The following ILRUN variants were observed in gnomAD, a reference collection of about 807,000 sequenced individuals.
ILRUN encodes protein ILRUN.
A neutral mutation model predicts 33.8 loss-of-function variants in ILRUN; 3 were observed. The ratio of observed to expected loss-of-function variants is 0.09; its 90% CI spans 0.04 to 0.23. ILRUN has a LOEUF of 0.23. Among genes scored for constraint, ILRUN ranks in the 10% least tolerant of loss-of-function variants. ILRUN has a pLI of 1.00. For missense variants in ILRUN, 210 were observed against 375.1 expected (o/e 0.56, Z 3.64); for synonymous variants, 124 against 138.9 (o/e 0.89, Z 0.75).
At chr6:34,626,719 T>C (rs1027803666) in intron 3 of ILRUN, among the ~76,000 whole-genome samples, 4 of 152,036 alleles carry the variant, frequency 2.6e-5, no homozygotes, top group African/African-American at 9.7e-5. Context: ...ATTATATTAA[T>C]ATATCAGGCG....
At chr6:34,599,052 C>G (rs918234007) in intron 4 of ILRUN, among the ~76,000 whole-genome samples, 1 of 152,214 alleles carries the variant, frequency 6.6e-6, no homozygotes. Context: ...CGACCTGACA[C>G]TAAGTGCATA....
chr6:34,696,758 AACTC>A lies in ILRUN; in HGVS notation c.-159_-156del, dbSNP rs1160037754. The A allele has an allele frequency of 5.1e-6, 3 of 590,158 alleles. No individual in the cohort carries two copies. The highest frequency in any genetic ancestry group is 5.7e-6 in the Non-Finnish European group (2 of 352,198). The allele number at this position is 590,158 out of a possible 1,614,324, so 36.6% of individuals were successfully genotyped here. A position where few individuals can be genotyped will look rare whatever the true frequency, so the allele number is the denominator to read the frequency against. ...GGCCTCTCACAGTCTCATAGGGGTAAACTCACTCTGCCACTCACTCACTCTCCCC... is the reference window on the plus strand; with the variant it reads ...GGCCTCTCACAGTCTCATAGGGGTAAACTCTGCCACTCACTCACTCTCCCC... On this transcript the variant is annotated 5_prime_UTR_variant, in exon 1 of 5. Transcript: ENST00000374023.
intron 1 of ILRUN, among the ~76,000 whole-genome samples, chr6:34,680,172 C>T (rs895105229): frequency 3.3e-5 from 5 of 152,192 alleles, no homozygotes; most frequent in Admixed American, 1.3e-4. Flanking sequence ...CCTCTCTAAG[C>T]CTCTTTTCCT....
intron 3 of ILRUN, among the ~76,000 whole-genome samples, chr6:34,633,671 T>C (rs1269817091): frequency 6.7e-6 from 1 of 150,348 alleles, no homozygotes; most frequent in Non-Finnish European, 1.5e-5. Flanking sequence ...GGAAACAAAA[T>C]AAGACCCTGT....
chr6:34,610,661 C>G (rs1185031171), intron 3 of ILRUN, among the ~76,000 whole-genome samples: 1 of 152,096 alleles, frequency 6.6e-6, no homozygotes, highest in Non-Finnish European at 1.5e-5. Flanking sequence ...AAATCTGAAA[C>G]ACTTCTGGTC....
At chr6:34,605,532 G>T (rs1761611176) in intron 4 of ILRUN, among the ~76,000 whole-genome samples, 1 of 151,932 alleles carries the variant, frequency 6.6e-6, no homozygotes, top group Non-Finnish European at 1.5e-5. Flanking sequence ...AGGAGGCTGA[G>T]GTAGGAGAAT....
intron 1 of ILRUN, among the ~76,000 whole-genome samples, chr6:34,659,750 T>C (rs955928454): frequency 2.7e-5 from 4 of 149,730 alleles, no homozygotes; most frequent in African/African-American, 9.9e-5. Context: ...GCCTCCGGAG[T>C]AGCTGGGATT....
intron 1 of ILRUN, among the ~76,000 whole-genome samples, chr6:34,659,840 C>T (rs1165999135): frequency 4.0e-5 from 6 of 151,718 alleles, no homozygotes; most frequent in Admixed American, 6.6e-5. Context: ...AGGTTGGTCT[C>T]GAACTCCCAA....
chr6:34,637,843 T>TTGTTGTTGC (rs1554185644), intron 3 of ILRUN, among the ~76,000 whole-genome samples: 1 of 141,242 alleles, frequency 7.1e-6, no homozygotes, highest in African/African-American at 2.6e-5. Context: ...GCTGTTGTTG[T>TTGTTGTTGC]TGCTGCTGCT....
chr6:34,650,996 C>T (rs1390449812), intron 2 of ILRUN, among the ~76,000 whole-genome samples: 1 of 151,980 alleles, frequency 6.6e-6, no homozygotes, highest in African/African-American at 2.4e-5. Flanking sequence ...CAAGGCCTGC[C>T]CTACTTCCAT....
At chr6:34,676,453 G>GATAT (rs1763234878) in intron 1 of ILRUN, among the ~76,000 whole-genome samples, 1 of 151,260 alleles carries the variant, frequency 6.6e-6, no homozygotes, top group African/African-American at 2.4e-5. Context: ...TAGATAGATA[G>GATAT]ATATAGCTAG....
chr6:34,593,049 C>T (rs549337358), intron 4 of ILRUN, among the ~76,000 whole-genome samples: 1 of 152,008 alleles, frequency 6.6e-6, no homozygotes, highest in East Asian at 1.9e-4. Flanking sequence ...CATGGCGACG[C>T]ATGGCTGTAG....
chr6:34,590,468 G>A lies in ILRUN; in HGVS notation c.*97C>T. 1 of 1,577,366 alleles carries A rather than the reference G, an allele frequency of 6.3e-7. No individual in the cohort carries two copies. The highest frequency in any genetic ancestry group is 1.1e-5 in the South Asian group (1 of 88,512). On this transcript the variant is annotated 3_prime_UTR_variant, in exon 5 of 5. Coordinates refer to ENST00000374023, the MANE Select transcript of ILRUN (RefSeq NM_024294.4). ...GAGAGGGGGTCAGAGCCAGGGGTCT[G>A]TGCGATGTGGTCTGCAATCCAGAGG...
intron 2 of ILRUN, among the ~76,000 whole-genome samples, chr6:34,650,449 T>G (rs1361174726): frequency 2.3e-5 from 3 of 133,226 alleles, no homozygotes; most frequent in Non-Finnish European, 3.3e-5. Flanking sequence ...ATTTATTTAT[T>G]TATGAGTCGG....
intron 4 of ILRUN, among the ~76,000 whole-genome samples, chr6:34,605,581 A>ATTGTG (rs1229850623): frequency 3.3e-5 from 5 of 152,104 alleles, no homozygotes; most frequent in African/African-American, 9.7e-5. Flanking sequence ...GTCAGCCGAG[A>ATTGTG]TTGTGTCACT....
chr6:34,696,179 C>T (rs1763767580), intron 1 of ILRUN: 1 of 440,966 alleles, frequency 2.3e-6, no homozygotes, highest in Admixed American at 3.9e-5. Context: ...CCCTTGGCCC[C>T]TAATCCTCGA....
intron 3 of ILRUN, among the ~76,000 whole-genome samples, chr6:34,624,044 C>G (rs895438187): frequency 9.9e-5 from 15 of 152,172 alleles, no homozygotes; most frequent in African/African-American, 3.6e-4. Flanking sequence ...GTTGGCCAGG[C>G]TGGTCTTGAA....
chr6:34,676,246 A>G (rs1763226672), intron 1 of ILRUN, among the ~76,000 whole-genome samples: 1 of 151,982 alleles, frequency 6.6e-6, no homozygotes, highest in Non-Finnish European at 1.5e-5. Flanking sequence ...TCTACAAAAA[A>G]AAAAATGCTG....
At chr6:34,625,056 C>T (rs921310044) in intron 3 of ILRUN, among the ~76,000 whole-genome samples, 1 of 151,974 alleles carries the variant, frequency 6.6e-6, no homozygotes, top group African/African-American at 2.4e-5. Flanking sequence ...AACCTCTCCC[C>T]ATCAACATTC....
Sources: allele counts gnomAD v4.1 joint callset (sites outside exome capture counted in the v4.1 genomes callset), GRCh38; gene constraint gnomAD v4.1.1; transcripts MANE v1.5; gene names NCBI Gene and HGNC (gene_info 2026-07-23, HGNC 2026-07-21).